SLC25A26: variants seen among roughly 807,000 people sequenced by gnomAD.
The protein encoded by SLC25A26 is solute carrier family 25 member 26, also known as mitochondrial S-adenosylmethionine carrier protein.
In SLC25A26, 36 loss-of-function variants were observed where a neutral mutation model predicts 37.8. The ratio of observed to expected loss-of-function variants is 0.95; its 90% confidence interval spans 0.73 to 1.26. The LOEUF (loss-of-function observed/expected upper bound fraction) is 1.26. Among genes scored for constraint, SLC25A26 ranks in the 50% most tolerant of loss-of-function variants. SLC25A26 has a pLI of 0.00. For synonymous variants in SLC25A26, 129 were observed against 122.5 expected (o/e 1.05, Z -0.35); for missense variants, 390 against 331.1 (o/e 1.18, Z -1.38).
chr3:66,180,217 G>A (rs1359561914), intron 1 of SLC25A26, among the ~76,000 whole-genome samples: 45 of 152,068 alleles, frequency 3.0e-4, no homozygotes, highest in East Asian at 1.9e-4. Context: ...AAAACACTAC[G>A]GGGATACAAC....
At chr3:66,298,823 T>C (rs1393361486) in intron 5 of SLC25A26, among the ~76,000 whole-genome samples, 3 of 152,236 alleles carry the variant, frequency 2.0e-5, no homozygotes, top group African/African-American at 4.8e-5. Context: ...ATTTGGAGAA[T>C]TGCTTTCATC....
intron 5 of SLC25A26, among the ~76,000 whole-genome samples, chr3:66,325,861 T>G (rs2075824303): frequency 6.6e-6 from 1 of 152,202 alleles, no homozygotes; most frequent in Non-Finnish European, 1.5e-5. Context: ...TCTGTTTTCT[T>G]AATGTTGCTT....
rs555673416 is a variant in SLC25A26 at position 66,291,287 on chromosome 3, G to A, written c.453+27908G>A. 8.5e-5 allele frequency among the ~76,000 whole-genome samples: 13 copies of A among 152,060 alleles called. No homozygotes were observed. In the East Asian group the frequency reaches 2.1e-3, roughly 25 times the overall value. On this transcript the variant is annotated intron_variant, in intron 5 of 9. Coordinates refer to ENST00000354883, the MANE Select transcript of SLC25A26 (RefSeq NM_001379210.1). ...CTCCTAAATTAATTGTGTTTTTGGG[G>A]GGTTTTTTTGTGTCTCTTTCTCCTT...
At chr3:66,267,352 A>G (rs1438537633) in intron 5 of SLC25A26, among the ~76,000 whole-genome samples, 1 of 152,200 alleles carries the variant, frequency 6.6e-6, no homozygotes, top group African/African-American at 2.4e-5. Context: ...TGGGGTTTTC[A>G]TGACCATAGA....
intron 1 of SLC25A26, among the ~76,000 whole-genome samples, chr3:66,138,664 A>G (rs927437659): frequency 6.7e-6 from 1 of 148,340 alleles, no homozygotes; most frequent in African/African-American, 2.5e-5. Flanking sequence ...GTAGGGATGT[A>G]TTGGGGTAGG....
chr3:66,136,412 C>G (rs891489345), intron 1 of SLC25A26, among the ~76,000 whole-genome samples: 1 of 152,152 alleles, frequency 6.6e-6, no homozygotes, highest in African/African-American at 2.4e-5. Flanking sequence ...CTCCATTGGC[C>G]TATAGATGAA....
chr3:66,195,800 T>C (rs1335263534), intron 1 of SLC25A26, among the ~76,000 whole-genome samples: 10 of 152,168 alleles, frequency 6.6e-5, no homozygotes, highest in Non-Finnish European at 1.5e-5. Flanking sequence ...ACAGAATAAT[T>C]TGGTGACAAA....
upstream of SLC25A26, chr3:66,220,817 T>A: frequency 1.9e-6 from 1 of 526,462 alleles, no homozygotes; most frequent in Non-Finnish European, 3.3e-6. Context: ...TCGCGAAAGT[T>A]CCTCCGTCTA....
chr3:66,209,329 GTATGTATATATACA>G (rs2071240545), intron 1 of SLC25A26, among the ~76,000 whole-genome samples: 1 of 135,700 alleles, frequency 7.4e-6, no homozygotes, highest in Non-Finnish European at 1.5e-5. Context: ...ATATCTATAT[GTATGTATATATACA>G]TATGTATATA....
intron 1 of SLC25A26, among the ~76,000 whole-genome samples, chr3:66,155,962 C>T (rs1203449646): frequency 6.6e-6 from 1 of 152,130 alleles, no homozygotes. Context: ...CTCTGAGTCC[C>T]AAACCCAAAT....
chr3:66,190,312 C>CAA lies in SLC25A26; in HGVS notation c.-353-30418_-353-30417dup, dbSNP rs1221431441. ...CCTGGACAACAGAGTGAAACCCTGT[C>CAA]AAAAAAAAAAAAAGAAAAAAAGAAA... is the stretch of plus-strand genomic sequence containing the variant. On this transcript the variant is annotated intron_variant, in intron 1 of 10. Transcript: ENST00000676754. Among the ~76,000 whole-genome samples the CAA allele has an allele frequency of 3.6e-3, 482 of 132,980 alleles. 5 individuals are homozygous for CAA. The Middle Eastern group carries it at 0.039, about 11-fold the overall frequency. The allele number at this position is 132,980 out of a possible 152,430, so 87.2% of individuals were successfully genotyped here. A position where few individuals can be genotyped will look rare whatever the true frequency, so the allele number is the denominator to read the frequency against.
chr3:66,372,259 G>T (rs1700388676), intron 9 of SLC25A26, among the ~76,000 whole-genome samples: 1 of 152,156 alleles, frequency 6.6e-6, no homozygotes, highest in Non-Finnish European at 1.5e-5. Context: ...GCAACTGTTG[G>T]GCAAACCACT....
chr3:66,346,588 G>A (rs2076328664), intron 6 of SLC25A26, 180 bp downstream of exon 6: 1 of 154,092 alleles, frequency 6.5e-6, no homozygotes, highest in Non-Finnish European at 1.4e-5. Flanking sequence ...TTGTTCAGGT[G>A]GCTGTGCTCC....
intron 5 of SLC25A26, among the ~76,000 whole-genome samples, chr3:66,342,694 A>G (rs1288609565): frequency 6.6e-6 from 1 of 152,158 alleles, no homozygotes; most frequent in Non-Finnish European, 1.5e-5. Context: ...CTTCCTGTTT[A>G]CCACACCCAG....
intron 1 of SLC25A26, among the ~76,000 whole-genome samples, chr3:66,232,437 A>G (rs1220816990): frequency 6.6e-6 from 1 of 152,222 alleles, no homozygotes; most frequent in African/African-American, 2.4e-5. Flanking sequence ...GAGCCATTGA[A>G]TGCCTCCTAT....
At chr3:66,167,117 A>G (rs897684599) in intron 1 of SLC25A26, among the ~76,000 whole-genome samples, 1 of 152,158 alleles carries the variant, frequency 6.6e-6, no homozygotes, top group East Asian at 1.9e-4. Flanking sequence ...TTCCTTATAA[A>G]TTACTCAGGC....
At chr3:66,271,728 A>G (rs1489314805) in intron 5 of SLC25A26, among the ~76,000 whole-genome samples, 1 of 152,098 alleles carries the variant, frequency 6.6e-6, no homozygotes, top group Non-Finnish European at 1.5e-5. Flanking sequence ...CTAAAGTTTC[A>G]TCTCTTCAGA....
In SLC25A26 at chr3:66,267,261, G is replaced by A. The variant is rs369079051; in HGVS notation, c.453+3882G>A. On this transcript the variant is annotated intron_variant, in intron 5 of 9. Coordinates refer to ENST00000354883, the MANE Select transcript of SLC25A26 (RefSeq NM_001379210.1). ...GGAGTGGCAGTTAGAAGTAGTTAAG[G>A]TTATAGGCAGATGGAACAGCAAGAG... 4.6e-5 allele frequency among the ~76,000 whole-genome samples: 7 copies of A among 152,330 alleles called. No individual in the cohort carries two copies. The South Asian group carries it at 8.3e-4, about 18-fold the overall frequency.
upstream of SLC25A26, among the ~76,000 whole-genome samples, chr3:66,216,780 CAT>C (rs1230654770): frequency 0.81 from 122,992 of 151,582 alleles, 50,917 homozygotes; most frequent in Middle Eastern, 0.92. Flanking sequence ...TATAATATCA[CAT>C]GTGTAATGCA....
Sources: allele counts gnomAD v4.1 joint callset (sites outside exome capture counted in the v4.1 genomes callset), GRCh38; gene constraint gnomAD v4.1.1; transcripts MANE v1.5; gene names NCBI Gene and HGNC (gene_info 2026-07-23, HGNC 2026-07-21).